Variants in TASP1 observed in about 807,000 individuals in gnomAD.
The protein encoded by TASP1 is taspase 1.
A neutral mutation model predicts 56.6 loss-of-function variants in TASP1; 16 were observed. The ratio of observed to expected loss-of-function variants is 0.28; its 90% confidence interval spans 0.19 to 0.43. TASP1 has a LOEUF of 0.43. Among genes scored for constraint, TASP1 ranks in the 20% least tolerant of loss-of-function variants. TASP1 has a pLI of 1.00. For synonymous variants in TASP1, 179 were observed against 184.2 expected (o/e 0.97, Z 0.23); for missense variants, 393 against 511.6 (o/e 0.77, Z 2.24).
the TASP1 span, among the ~76,000 whole-genome samples, chr20:13,374,435 C>T: frequency 1.3e-4 from 20 of 151,930 alleles, no homozygotes; most frequent in African/African-American, 4.8e-4. Flanking sequence ...GCAAGCTCTG[C>T]CTCCCGGGGT....
chr20:13,418,455 C>T (rs1408608592), intron 12 of TASP1, among the ~76,000 whole-genome samples: 1 of 152,128 alleles, frequency 6.6e-6, no homozygotes, highest in Non-Finnish European at 1.5e-5. Flanking sequence ...GAGTTATAAC[C>T]ACTGAACAAA....
chr20:13,116,355 G>A, the TASP1 span, among the ~76,000 whole-genome samples: 9 of 152,332 alleles, frequency 5.9e-5, no homozygotes, highest in East Asian at 1.7e-3. Flanking sequence ...TTTGTGTGGT[G>A]AGTGTGTCTG....
chr20:13,396,152 G>C (rs1175885035), intron 13 of TASP1, among the ~76,000 whole-genome samples: 2 of 152,026 alleles, frequency 1.3e-5, no homozygotes, highest in African/African-American at 4.8e-5. Context: ...CTCTTAATGA[G>C]TTGACTCAGG....
At chr20:13,601,264 C>A (rs530988914) in intron 4 of TASP1, among the ~76,000 whole-genome samples, 2 of 145,512 alleles carry the variant, frequency 1.4e-5, no homozygotes, top group African/African-American at 5.3e-5. Flanking sequence ...CTGGGCAACA[C>A]AGTGAGACAG....
chr20:13,637,058 T>TTTA (rs2049336580), intron 1 of TASP1, among the ~76,000 whole-genome samples: 1 of 152,162 alleles, frequency 6.6e-6, no homozygotes, highest in African/African-American at 2.4e-5. Flanking sequence ...AACTTTAATA[T>TTTA]AAGACAATTC....
At chr20:13,366,973 C>T in the TASP1 span, among the ~76,000 whole-genome samples, 2 of 152,184 alleles carry the variant, frequency 1.3e-5, no homozygotes, top group Non-Finnish European at 2.9e-5. Context: ...GTACCAAATG[C>T]TACCACCATT....
At chr20:13,357,543 C>T in the TASP1 span, among the ~76,000 whole-genome samples, 23 of 152,146 alleles carry the variant, frequency 1.5e-4, no homozygotes, top group Admixed American at 1.2e-3. Context: ...AAGAAGGGGA[C>T]GTGATAAAAA....
intron 10 of TASP1, among the ~76,000 whole-genome samples, chr20:13,488,237 T>A (rs374757373): frequency 2.0e-4 from 31 of 152,040 alleles, no homozygotes; most frequent in Non-Finnish European, 3.7e-4. Flanking sequence ...TAGAAATCCA[T>A]CCTTAATTGT....
chr20:13,156,081 G>C, the TASP1 span, among the ~76,000 whole-genome samples: 3 of 152,102 alleles, frequency 2.0e-5, no homozygotes, highest in South Asian at 4.2e-4. Context: ...CACACACACA[G>C]ACACACATAC....
chr20:13,421,202 T>G (rs1410390173), intron 12 of TASP1, among the ~76,000 whole-genome samples: 1 of 142,334 alleles, frequency 7.0e-6, no homozygotes, highest in Non-Finnish European at 1.5e-5. Flanking sequence ...ACCCTCCACC[T>G]CCCAGGTTCA....
the TASP1 span, chr20:13,299,301 G>T: frequency 6.2e-7 from 1 of 1,613,540 alleles, no homozygotes; most frequent in South Asian, 1.1e-5. The surrounding 1 kb of genome is among the most constrained non-coding windows in gnomAD (Gnocchi z 5.8). Flanking sequence ...GTTCTCCGCG[G>T]AGCTCCACTA....
chr20:13,244,284 A>T, the TASP1 span: 1 of 150,194 alleles, frequency 6.7e-6, no homozygotes, highest in African/African-American at 2.5e-5. Context: ...ACTGGTTTTC[A>T]TGTGGGCAGA....
chr20:13,206,655 G>A, the TASP1 span, among the ~76,000 whole-genome samples: 1 of 152,072 alleles, frequency 6.6e-6, no homozygotes, highest in Non-Finnish European at 1.5e-5. Flanking sequence ...GAACTCTGGA[G>A]TCCTTAACTA....
chr20:13,499,049 G>C (rs1720248383), intron 10 of TASP1, among the ~76,000 whole-genome samples: 1 of 152,104 alleles, frequency 6.6e-6, no homozygotes, highest in African/African-American at 2.4e-5. Context: ...CAATAGCAAA[G>C]ACATAGAATC....
At chr20:13,350,707 G>C in the TASP1 span, among the ~76,000 whole-genome samples, 1 of 151,604 alleles carries the variant, frequency 6.6e-6, no homozygotes, top group Non-Finnish European at 1.5e-5. Context: ...TACATTTTTA[G>C]AGACAGAGTC....
the TASP1 span, among the ~76,000 whole-genome samples, chr20:13,111,425 G>A: frequency 6.6e-6 from 1 of 152,198 alleles, no homozygotes; most frequent in Non-Finnish European, 1.5e-5. Flanking sequence ...GCATATGGTG[G>A]ACAGAGGCCA....
chr20:13,375,739 G>T, the TASP1 span, among the ~76,000 whole-genome samples: 7 of 152,140 alleles, frequency 4.6e-5, no homozygotes, highest in African/African-American at 1.7e-4. Context: ...ATTTTCTCCA[G>T]CATCTGTTGT....
intron 4 of TASP1, among the ~76,000 whole-genome samples, chr20:13,604,999 T>TATATATATATATATATATATATAC (rs1474896563): frequency 6.7e-6 from 1 of 148,462 alleles, no homozygotes; most frequent in East Asian, 1.9e-4. Context: ...TATATATATA[T>TATATATATATATATATATATATAC]ATATATATAT....
At chr20:13,113,625 G>T in the TASP1 span, among the ~76,000 whole-genome samples, 1 of 152,166 alleles carries the variant, frequency 6.6e-6, no homozygotes, top group Admixed American at 6.5e-5. Context: ...CTGGGACCTA[G>T]GTTCAAATCC....
Sources: allele counts gnomAD v4.1 joint callset (sites outside exome capture counted in the v4.1 genomes callset), GRCh38; gene constraint gnomAD v4.1.1; non-coding constraint Gnocchi (gnomAD v3.1); transcripts MANE v1.5; gene names NCBI Gene and HGNC (gene_info 2026-07-23, HGNC 2026-07-21).